The following NDUFA11 variants were observed in gnomAD, a reference collection of about 807,000 sequenced individuals.
NDUFA11 encodes NADH:ubiquinone oxidoreductase subunit A11.
Under a neutral mutation model 11.3 loss-of-function variants are expected in NDUFA11, and 14 were observed. The observed-to-expected ratio is 1.24, with a 90% CI of 0.82 to 1.94. The LOEUF is 1.94. Ranked by LOEUF, NDUFA11 falls within the 30% of genes most tolerant of loss-of-function variation. The probability of loss-of-function intolerance (pLI) is 0.00; values close to 1 mark genes in which losing one functional copy is unlikely to be tolerated. For synonymous variants in NDUFA11, 87 were observed against 85.6 expected, an observed-to-expected ratio of 1.02 and a Z score of -0.09; for missense variants, 204 against 200.3, an observed-to-expected ratio of 1.02 and a Z score of -0.11.
chr19:5,897,017 G>C lies in NDUFA11; in HGVS notation c.98-20C>G. 1 of 1,603,580 alleles carries C rather than the reference G, an allele frequency of 6.2e-7. No individual in the cohort carries two copies. Among genetic ancestry groups the C allele is most frequent in the Non-Finnish European group, 8.5e-7 (1 of 1,170,580 alleles). ...TCAGGCCTGCGAGACAGAGGAGGGA[G>C]GCTGTTCAGACCCCACTGCTGCTAA... On this transcript the variant is annotated intron_variant, in intron 1 of 3. Transcript: ENST00000308961.
chr19:5,898,864 A>T (rs140876592), intron 1 of NDUFA11, among the ~76,000 whole-genome samples: 1 of 145,828 alleles, frequency 6.9e-6, no homozygotes, highest in Non-Finnish European at 1.5e-5. Context: ...ACAGAGTGAG[A>T]CTCCGTCTCA....
intron 1 of NDUFA11, 57 bp downstream of exon 1, chr19:5,903,555 C>T (rs2057659068): frequency 6.0e-6 from 9 of 1,496,364 alleles, no homozygotes; most frequent in Non-Finnish European, 8.1e-6. Flanking sequence ...CCCCCAGTAA[C>T]CCCACGACCT....
In NDUFA11 at chr19:5,894,739, G is replaced by A. The variant is rs763178359; in HGVS notation, c.*3C>T. ...AGGCTGGAGGTCCCGGCAGGCACAGGGCTCACACCTTGGGTTTTGCAAACA... is the reference window on the plus strand; with the variant it reads ...AGGCTGGAGGTCCCGGCAGGCACAGAGCTCACACCTTGGGTTTTGCAAACA... On this transcript the variant is annotated 3_prime_UTR_variant, in exon 4 of 4. Coordinates refer to ENST00000308961, the MANE Select transcript of NDUFA11 (RefSeq NM_175614.5). The A allele has an allele frequency of 5.6e-6, 9 of 1,612,546 alleles. No individual in the cohort carries two copies. Among genetic ancestry groups the A allele is most frequent in the South Asian group, 4.4e-5 (4 of 90,860 alleles).
Position 5,894,756 on chromosome 19 carries a change from T to C in NDUFA11, c.412A>G (p.Lys138Glu). 1 of 1,613,362 alleles carries C rather than the reference T, an allele frequency of 6.2e-7. No individual in the cohort carries two copies. The highest frequency in any genetic ancestry group is 8.5e-7 in the Non-Finnish European group (1 of 1,179,772). ...GRLEGWEVFA[K>E]PKV ...AGGCACAGGGCTCACACCTTGGGTT[T>C]TGCAAACACCTCCCAGCCCTCCAGC... Residue 138 changes from lysine to glutamate, a missense_variant, in exon 4 of 4, where the codon AAA (lysine) becomes GAA (glutamate). Transcript: ENST00000308961.
In NDUFA11 at chr19:5,903,703, C is replaced by G. The variant is rs369950662; in HGVS notation, c.6G>C (p.Ala2=). 4.5e-6 allele frequency: 7 copies of G among 1,551,460 alleles called. No homozygotes were observed. The highest frequency in any genetic ancestry group is 2.0e-5 in the Admixed American group (1 of 51,014). Residue 2 remains alanine (A), a synonymous_variant, in exon 1 of 4, where the codon GCG becomes GCC. Transcript: ENST00000308961. ...CCCAGTACTGACGAAAAACCTTCGGCGCCATAGCCCGCAATCTCGATCCCG... is the reference window on the plus strand; with the variant it reads ...CCCAGTACTGACGAAAAACCTTCGGGGCCATAGCCCGCAATCTCGATCCCG... M[A]PKVFRQYWDI...
intron 1 of NDUFA11, among the ~76,000 whole-genome samples, chr19:5,898,537 C>T (rs151208542): frequency 6.6e-6 from 1 of 152,288 alleles, no homozygotes; most frequent in East Asian, 1.9e-4. Flanking sequence ...CTGGTTTCTC[C>T]TAATCCTACA....
chr19:5,901,548 C>G lies in NDUFA11; in HGVS notation c.97+2064G>C, dbSNP rs2057645401. On this transcript the variant is annotated intron_variant, in intron 1 of 3. Transcript: ENST00000308961. ...ATTAGGTCTGCCCTAATTCAAATGC[C>G]TCCCAATGGAGCCGCAACTTTGGCC... 5 of 1,091,478 alleles carry G rather than the reference C, an allele frequency of 4.6e-6. No individual in the cohort carries two copies. In the African/African-American group the frequency reaches 8.2e-5, roughly 18 times the overall value. 67.6% of individuals were successfully genotyped at this position (1,091,478 alleles called of 1,614,324 possible).
intron 3 of NDUFA11, 161 bp from the exon 4 acceptor site, chr19:5,895,015 A>G: frequency 3.6e-6 from 3 of 833,430 alleles, no homozygotes; most frequent in Admixed American, 5.8e-5. Context: ...TAGACTCTGG[A>G]GATGTGGAAA....
In NDUFA11 at chr19:5,897,007, AGAG is replaced by A. The variant is rs747102844; in HGVS notation, c.98-13_98-11del. On this transcript the variant is annotated splice_polypyrimidine_tract_variant and intron_variant, in intron 1 of 3. Coordinates refer to ENST00000308961, the MANE Select transcript of NDUFA11 (RefSeq NM_175614.5). ...GCAGCGGCGGTCAGGCCTGCGAGAC[AGAG>A]GAGGGAGGCTGTTCAGACCCCACTG... 4 of 1,611,720 alleles carry A rather than the reference AGAG, an allele frequency of 2.5e-6. No homozygotes were observed. Among genetic ancestry groups the A allele is most frequent in the South Asian group, 1.1e-5 (1 of 91,030 alleles).
chr19:5,902,953 G>C (rs979306999), intron 1 of NDUFA11, among the ~76,000 whole-genome samples: 1 of 148,262 alleles, frequency 6.7e-6, no homozygotes, highest in Non-Finnish European at 1.5e-5. Context: ...GAAGGTTGCA[G>C]TGAGCCGAGA....
At chr19:5,901,325 C>T (rs769550260) in intron 1 of NDUFA11, 9 of 1,281,964 alleles carry the variant, frequency 7.0e-6, no homozygotes, top group African/African-American at 4.6e-5. Context: ...TGAAGACCCT[C>T]GATAAGGACC....
At position 5,896,384 on chromosome 19, in the gene NDUFA11, G is replaced by C; in HGVS notation, c.313+69C>G. ...CCGGGATGGAACAGAGAGGGTGGAG[G>C]ATGAGCAGAGGTCAGGGGTCATTCT... On this transcript the variant is annotated intron_variant, in intron 3 of 3. Transcript: ENST00000308961. This position sits in a 1 kb window ranked among gnomAD's most constrained non-coding sequence, Gnocchi z 5.8. 6.9e-7 allele frequency: 1 copy of C among 1,457,104 alleles called. No individual in the cohort carries two copies. The allele number at this position is 1,457,104 out of a possible 1,614,324, so 90.3% of individuals were successfully genotyped here.
chr19:5,896,992 T>C lies in NDUFA11; in HGVS notation c.103A>G (p.Thr35Ala). Residue 35 changes from threonine to alanine, a missense_variant, in exon 2 of 4, where the codon ACC becomes GCC. Coordinates refer to ENST00000308961, the MANE Select transcript of NDUFA11 (RefSeq NM_175614.5). This position sits in a 1 kb window ranked among gnomAD's most constrained non-coding sequence, Gnocchi z 5.8. ...AGTGTGACTCTGTAGGCAGCGGCGG[T>C]CAGGCCTGCGAGACAGAGGAGGGAG... ...TTSIASVAGL[T>A]AAAYRVTLNP... The C allele has an allele frequency of 1.2e-6, 2 of 1,613,808 alleles. No homozygotes were observed. The highest frequency in any genetic ancestry group is 1.7e-6 in the Non-Finnish European group (2 of 1,179,872).
At chr19:5,898,145 T>A (rs2057622369) in intron 1 of NDUFA11, among the ~76,000 whole-genome samples, 1 of 151,120 alleles carries the variant, frequency 6.6e-6, no homozygotes, top group South Asian at 2.1e-4. Context: ...ACCTCCGAGA[T>A]GTAAAGCAAT....
At chr19:5,892,932 C>T (rs147644672), downstream of NDUFA11, 1,042 of 1,445,180 alleles carry the variant, frequency 7.2e-4, 4 homozygotes, top group South Asian at 5.1e-3. Flanking sequence ...TTCTGGGGTT[C>T]GAACCCAGAG....
intron 1 of NDUFA11, among the ~76,000 whole-genome samples, chr19:5,903,373 G>A (rs2057657604): frequency 6.6e-6 from 1 of 151,964 alleles, no homozygotes; most frequent in South Asian, 2.1e-4. Context: ...CGCCTCAGAT[G>A]ACCCCAGGGA....
At chr19:5,893,967 CATGTG>C (rs2057592278), downstream of NDUFA11, among the ~76,000 whole-genome samples, 2 of 152,212 alleles carry the variant, frequency 1.3e-5, no homozygotes, top group Admixed American at 1.3e-4. The surrounding 1 kb of genome is among the most constrained non-coding windows in gnomAD (Gnocchi z 4.1). Context: ...CCCACCGCAG[CATGTG>C]GGAGCTTGCA....
chr19:5,894,949 T>G, intron 3 of NDUFA11, 95 bp from the exon 4 acceptor site: 1 of 1,357,608 alleles, frequency 7.4e-7, no homozygotes, highest in Non-Finnish European at 1.0e-6. Context: ...GGAGCCAGAC[T>G]GAGACCCCTG....
downstream of NDUFA11, among the ~76,000 whole-genome samples, chr19:5,893,638 C>T (rs1480002329): frequency 2.0e-5 from 3 of 151,856 alleles, no homozygotes; most frequent in Admixed American, 6.6e-5. This position sits in a 1 kb window ranked among gnomAD's most constrained non-coding sequence, Gnocchi z 4.1. Context: ...GGCATAGTGG[C>T]GGTGGCCATA....
Sources: allele counts gnomAD v4.1 joint callset (sites outside exome capture counted in the v4.1 genomes callset), GRCh38; gene constraint gnomAD v4.1.1; non-coding constraint Gnocchi (gnomAD v3.1); transcripts MANE v1.5; gene names NCBI Gene and HGNC (gene_info 2026-07-23, HGNC 2026-07-21).